WIPF3: variants seen among roughly 807,000 people sequenced by gnomAD.
WIPF3 encodes the protein WAS/WASL interacting protein family member 3.
In WIPF3, 33 loss-of-function variants were observed where a neutral mutation model predicts 38.9. That is an observed-to-expected ratio of 0.85 (90% CI 0.64 to 1.14). The LOEUF (loss-of-function observed/expected upper bound fraction) is 1.14. WIPF3 is among the 50% of genes most tolerant of loss of function. The pLI, the probability that WIPF3 is intolerant of heterozygous loss-of-function variation, is 0.00. For missense variants in WIPF3, 711 were observed against 652.5 expected (o/e 1.09, Z -0.98); for synonymous variants, 324 against 269.3 (o/e 1.20, Z -1.99).
At chr7:29,911,326 A>G (rs542836280) in intron 8 of WIPF3, among the ~76,000 whole-genome samples, 70 of 152,318 alleles carry the variant, frequency 4.6e-4, no homozygotes, top group African/African-American at 1.6e-3. Context: ...TAAGATGTCA[A>G]TACTACCCAA....
intron 2 of WIPF3, among the ~76,000 whole-genome samples, chr7:29,870,744 A>G (rs1439547294): frequency 6.6e-6 from 1 of 152,198 alleles, no homozygotes; most frequent in African/African-American, 2.4e-5. Flanking sequence ...TGTACACTGT[A>G]CTGTTTAAGA....
chr7:29,831,502 G>A (rs1013145021), intron 1 of WIPF3, among the ~76,000 whole-genome samples: 2 of 152,174 alleles, frequency 1.3e-5, no homozygotes, highest in Non-Finnish European at 2.9e-5. Context: ...TAATCATCAC[G>A]CTCTGTGTTC....
Position 29,904,443 on chromosome 7 carries a change from C to G in WIPF3, c.1428+81C>G, listed in dbSNP as rs571158681. On this transcript the variant is annotated intron_variant, in intron 8 of 8. Coordinates refer to ENST00000242140, the MANE Select transcript of WIPF3 (RefSeq NM_001080529.3). The stretch of plus-strand genomic sequence containing the variant: ...CAGAAATGGTAAGGGTATGCTTTCT[C>G]CTAAACAGCTTTATATTTTTCCTCA... 11 of 1,412,902 alleles carry G rather than the reference C, an allele frequency of 7.8e-6. No individual in the cohort carries two copies. The South Asian group carries it at 1.3e-4, about 16-fold the overall frequency. The allele number at this position is 1,412,902 out of a possible 1,614,324, so 87.5% of individuals were successfully genotyped here.
intron 2 of WIPF3, 29 bp from the exon 3 acceptor site, chr7:29,875,801 A>G (rs575429463): frequency 4.4e-6 from 7 of 1,605,050 alleles, no homozygotes; most frequent in East Asian, 2.2e-5. Context: ...AAATGCTACT[A>G]TAGTCAAATC....
intron 4 of WIPF3, among the ~76,000 whole-genome samples, chr7:29,882,645 G>A (rs55668406): frequency 0.066 from 9,973 of 152,118 alleles, 447 homozygotes; most frequent in Middle Eastern, 0.18. Flanking sequence ...CCCTGATTGG[G>A]GTAAACACAC....
At chr7:29,822,129 T>C (rs1425266733) in intron 1 of WIPF3, among the ~76,000 whole-genome samples, 20 of 146,366 alleles carry the variant, frequency 1.4e-4, no homozygotes, top group African/African-American at 4.7e-4. Flanking sequence ...CTTAGTTTTT[T>C]TTTTTTTTTT....
At chr7:29,807,230 G>C (rs1403771052) in intron 1 of WIPF3, among the ~76,000 whole-genome samples, 2 of 152,190 alleles carry the variant, frequency 1.3e-5, no homozygotes, top group Non-Finnish European at 2.9e-5. Flanking sequence ...GAGATGTGAA[G>C]TGACTTGTCC....
intron 2 of WIPF3, among the ~76,000 whole-genome samples, chr7:29,849,898 T>C (rs986884320): frequency 1.3e-5 from 2 of 152,198 alleles, no homozygotes; most frequent in African/African-American, 4.8e-5. Context: ...AAATTAAATC[T>C]AAGACCGTGG....
intron 7 of WIPF3, among the ~76,000 whole-genome samples, chr7:29,892,934 G>A (rs995950155): frequency 3.3e-5 from 5 of 152,120 alleles, no homozygotes; most frequent in Admixed American, 6.5e-5. Context: ...GTGTGGTGGC[G>A]GACGCCCGTA....
chr7:29,816,939 C>T (rs563505209), intron 1 of WIPF3, among the ~76,000 whole-genome samples: 1 of 152,242 alleles, frequency 6.6e-6, no homozygotes, highest in Non-Finnish European at 1.5e-5. Flanking sequence ...CTACATTTTC[C>T]CATTACCCTT....
At chr7:29,904,467 C>A in intron 8 of WIPF3, 105 bp downstream of exon 8, 3 of 1,178,574 alleles carry the variant, frequency 2.5e-6, no homozygotes, top group Non-Finnish European at 3.7e-6. Flanking sequence ...TATTTTTCCT[C>A]ACACTCCTTT....
intron 8 of WIPF3, among the ~76,000 whole-genome samples, chr7:29,913,927 C>G (rs2072177): frequency 0.19 from 28,430 of 152,238 alleles, 2,693 homozygotes; most frequent in Middle Eastern, 0.24. Flanking sequence ...TGCAAGTCTA[C>G]TCAAAGTGGA....
chr7:29,877,487 A>T (rs1247475660), intron 3 of WIPF3, among the ~76,000 whole-genome samples: 1 of 152,224 alleles, frequency 6.6e-6, no homozygotes, highest in African/African-American at 2.4e-5. Context: ...TGTGTTGCTT[A>T]GTTACCTTGA....
chr7:29,872,025 T>C (rs531578316), intron 2 of WIPF3, among the ~76,000 whole-genome samples: 1 of 152,226 alleles, frequency 6.6e-6, no homozygotes, highest in Non-Finnish European at 1.5e-5. Context: ...AAAACAAGAG[T>C]GAACTTGGAA....
At chr7:29,829,703 C>T (rs2128064487) in intron 1 of WIPF3, among the ~76,000 whole-genome samples, 1 of 152,320 alleles carries the variant, frequency 6.6e-6, no homozygotes, top group South Asian at 2.1e-4. Context: ...GTAAAGTGAC[C>T]TGACCAAGGC....
At position 29,884,387 on chromosome 7, in the gene WIPF3, C is replaced by CCTTTTTTTTT; in HGVS notation, c.893_894insCTTTTTTTTT (p.Tyr299PhefsTer22). The stretch of plus-strand genomic sequence containing the variant: ...CCCGCCCCGCCGCCCCCGCTCCCCC[C>CCTTTTTTTTT]TTATGCTTCTTGCTCCCCGAGGGCT... On this transcript the variant is annotated frameshift_variant, in exon 5 of 9. Coordinates refer to ENST00000242140, the MANE Select transcript of WIPF3 (RefSeq NM_001080529.3). LOFTEE classifies it high-confidence loss of function. 6.7e-7 allele frequency: 1 copy of CCTTTTTTTTT among 1,502,236 alleles called. No individual in the cohort carries two copies. The highest frequency in any genetic ancestry group is 8.9e-7 in the Non-Finnish European group (1 of 1,121,158). 93.1% of individuals were successfully genotyped at this position (1,502,236 alleles called of 1,614,324 possible). A position where few individuals can be genotyped will look rare whatever the true frequency, so the allele number is the denominator to read the frequency against.
chr7:29,833,328 C>T (rs1283889982), intron 1 of WIPF3, among the ~76,000 whole-genome samples: 1 of 152,222 alleles, frequency 6.6e-6, no homozygotes, highest in Non-Finnish European at 1.5e-5. Flanking sequence ...ATCTGATATT[C>T]TTGGACTTTA....
chr7:29,841,245 C>G (rs1183288855), intron 2 of WIPF3, among the ~76,000 whole-genome samples: 1 of 152,202 alleles, frequency 6.6e-6, no homozygotes, highest in Non-Finnish European at 1.5e-5. Flanking sequence ...TCTGGAAGAC[C>G]TGGGGAGTAG....
At chr7:29,814,354 T>C (rs1171690434) in intron 1 of WIPF3, among the ~76,000 whole-genome samples, 1 of 152,212 alleles carries the variant, frequency 6.6e-6, no homozygotes, top group Non-Finnish European at 1.5e-5. Flanking sequence ...CAAGCTATCA[T>C]TTGTGGGCAG....
Sources: gnomAD v4.1 joint callset for allele counts (sites outside exome capture counted in the v4.1 genomes callset) on GRCh38, gnomAD v4.1.1 for gene constraint, MANE v1.5 for transcripts, NCBI Gene and HGNC (gene_info 2026-07-23, HGNC 2026-07-21) for gene names.